PARP8: variants seen among roughly 807,000 people sequenced by gnomAD.
PARP8 encodes the protein protein mono-ADP-ribosyltransferase PARP8.
PARP8 carries 51 observed loss-of-function variants against 124.1 expected under a neutral mutation model. The observed-to-expected ratio is 0.41, with a 90% CI of 0.33 to 0.52. PARP8 has a LOEUF of 0.52. PARP8 is among the 20% of genes least tolerant of loss of function. PARP8 has a pLI of 0.21. For missense variants in PARP8, 860 were observed against 1,018.9 expected (o/e 0.84, Z 2.12); for synonymous variants, 391 against 361.5 (o/e 1.08, Z -0.93).
chr5:50,714,633 G>C (rs565465791), intron 2 of PARP8, among the ~76,000 whole-genome samples: 92 of 152,264 alleles, frequency 6.0e-4, no homozygotes, highest in African/African-American at 2.2e-3. Flanking sequence ...TGTTCTGGGG[G>C]ATTAAGTTAT....
chr5:50,753,098 A>G (rs972719676), intron 3 of PARP8, among the ~76,000 whole-genome samples: 1 of 151,958 alleles, frequency 6.6e-6, no homozygotes, highest in African/African-American at 2.4e-5. Flanking sequence ...ATTTACTTGT[A>G]CTTCTTTGTA....
chr5:50,714,856 T>A (rs1334714095), intron 2 of PARP8, among the ~76,000 whole-genome samples: 1 of 152,102 alleles, frequency 6.6e-6, no homozygotes, highest in Non-Finnish European at 1.5e-5. Context: ...GCTTCTGTTA[T>A]CCTTAGCTGT....
chr5:50,762,285 T>C (rs184572592), intron 6 of PARP8, among the ~76,000 whole-genome samples: 6 of 152,286 alleles, frequency 3.9e-5, no homozygotes, highest in Non-Finnish European at 8.8e-5. Flanking sequence ...TTATTAAATT[T>C]GATGGGCCCA....
intron 2 of PARP8, among the ~76,000 whole-genome samples, chr5:50,733,163 G>C (rs567850080): frequency 6.6e-6 from 1 of 151,938 alleles, no homozygotes; most frequent in Non-Finnish European, 1.5e-5. Context: ...AATTAGCCAG[G>C]CGTGGTGTTG....
intron 2 of PARP8, chr5:50,742,009 C>G (rs1426907287): frequency 3.2e-6 from 1 of 316,562 alleles, no homozygotes; most frequent in Admixed American, 4.5e-5. Context: ...AGGGTTTTGC[C>G]ATATTGGCCA....
intron 7 of PARP8, among the ~76,000 whole-genome samples, chr5:50,769,576 C>T (rs1246194517): frequency 2.0e-5 from 3 of 151,698 alleles, no homozygotes; most frequent in African/African-American, 7.3e-5. Flanking sequence ...AAGACAGATG[C>T]ACATAGATTT....
At chr5:50,698,895 A>G (rs1753304306) in intron 2 of PARP8, among the ~76,000 whole-genome samples, 1 of 152,186 alleles carries the variant, frequency 6.6e-6, no homozygotes, top group Admixed American at 6.5e-5. Context: ...TGTATTCAAG[A>G]CCTGTTTCCC....
At chr5:50,837,356 C>T (rs1423707198) in intron 25 of PARP8, among the ~76,000 whole-genome samples, 1 of 152,116 alleles carries the variant, frequency 6.6e-6, no homozygotes, top group African/African-American at 2.4e-5. Flanking sequence ...TTACAACCAT[C>T]AGTTTCTCTA....
At chr5:50,831,224 T>G (rs1320315442) in intron 22 of PARP8, among the ~76,000 whole-genome samples, 1 of 152,176 alleles carries the variant, frequency 6.6e-6, no homozygotes, top group African/African-American at 2.4e-5. Context: ...AAGTAACTAT[T>G]GCTGTTCAAC....
intron 2 of PARP8, among the ~76,000 whole-genome samples, chr5:50,727,855 CCG>C (rs1463643140): frequency 7.2e-5 from 11 of 152,078 alleles, no homozygotes; most frequent in African/African-American, 2.7e-4. Context: ...ATGGTGTGGT[CCG>C]CCTTCAGAGT....
Position 50,667,022 on chromosome 5 carries a change from C to G in PARP8, c.-74C>G, listed in dbSNP as rs1404895801. ...GGTTTCATTTTTAACTGAATATTTA[C>G]GAAAGCTGGAAGCGTGCGAGGGGGG... On this transcript the variant is annotated 5_prime_UTR_variant, in exon 1 of 26. Coordinates refer to ENST00000281631, the MANE Select transcript of PARP8 (RefSeq NM_024615.4). 2 of 1,544,456 alleles carry G rather than the reference C, an allele frequency of 1.3e-6. No homozygotes were observed. Among genetic ancestry groups the G allele is most frequent in the Non-Finnish European group, 1.7e-6 (2 of 1,148,272 alleles).
At chr5:50,672,563 CAT>C (rs1199417374) in intron 2 of PARP8, among the ~76,000 whole-genome samples, 4 of 152,174 alleles carry the variant, frequency 2.6e-5, no homozygotes, top group Admixed American at 6.5e-5. Context: ...CTCTGGGTCA[CAT>C]GTGCAAATAC....
intron 25 of PARP8, among the ~76,000 whole-genome samples, chr5:50,837,591 G>T (rs1747725323): frequency 6.6e-6 from 1 of 151,888 alleles, no homozygotes; most frequent in Non-Finnish European, 1.5e-5. Context: ...CTATTATCAG[G>T]TAACAATATT....
chr5:50,756,113 C>T (rs1759916553), intron 3 of PARP8, among the ~76,000 whole-genome samples: 1 of 152,148 alleles, frequency 6.6e-6, no homozygotes, highest in South Asian at 2.1e-4. Flanking sequence ...AATATACAAC[C>T]ATGTCATCTG....
chr5:50,769,600 G>A (rs1761400709), intron 7 of PARP8, among the ~76,000 whole-genome samples: 7 of 151,544 alleles, frequency 4.6e-5, no homozygotes, highest in Admixed American at 4.6e-4. Flanking sequence ...TTATCCAGTT[G>A]CTGTTTACCA....
intron 2 of PARP8, among the ~76,000 whole-genome samples, chr5:50,682,027 T>C (rs1161698832): frequency 1.3e-5 from 2 of 152,220 alleles, no homozygotes; most frequent in Non-Finnish European, 2.9e-5. Context: ...TTCGTTTTCT[T>C]ATGTGCTTAA....
chr5:50,815,591 T>C, intron 15 of PARP8, 67 bp downstream of exon 15: 2 of 1,115,200 alleles, frequency 1.8e-6, no homozygotes, highest in Non-Finnish European at 2.5e-6. Flanking sequence ...CCACTAGTTA[T>C]CTTCATTCTG....
intron 2 of PARP8, among the ~76,000 whole-genome samples, chr5:50,749,439 G>C (rs1758979853): frequency 2.0e-5 from 3 of 151,248 alleles, no homozygotes; most frequent in Admixed American, 2.0e-4. Flanking sequence ...TTGCTATCTA[G>C]TTGACAGAGA....
intron 4 of PARP8, 102 bp downstream of exon 4, chr5:50,759,834 T>A (rs1355922161): frequency 4.7e-6 from 6 of 1,279,970 alleles, no homozygotes; most frequent in Non-Finnish European, 6.2e-6. Flanking sequence ...GATATTTATC[T>A]TCTGTGTCTA....
Sources: gnomAD v4.1 joint callset for allele counts (sites outside exome capture counted in the v4.1 genomes callset) on GRCh38, gnomAD v4.1.1 for gene constraint, MANE v1.5 for transcripts, NCBI Gene and HGNC (gene_info 2026-07-23, HGNC 2026-07-21) for gene names.